Variants in PTN observed in about 807,000 individuals in gnomAD.
PTN encodes the protein heparin affin regulatory protein.
PTN carries 18 observed loss-of-function variants against 24.1 expected under a neutral mutation model. The observed-to-expected ratio is 0.75, with a 90% CI of 0.52 to 1.11. PTN has a LOEUF of 1.11. Among genes scored for constraint, PTN ranks in the 50% least tolerant of loss-of-function variants. The pLI, the probability that PTN is intolerant of heterozygous loss-of-function variation, is 0.00. For missense variants in PTN, 163 were observed against 198.8 expected, an observed-to-expected ratio of 0.82 and a Z score of 1.08; for synonymous variants, 78 against 68.6, an observed-to-expected ratio of 1.14 and a Z score of -0.67.
chr7:137,307,729 T>C lies in PTN; in HGVS notation c.-2+35710A>G, dbSNP rs190858267. On this transcript the variant is annotated intron_variant, in intron 1 of 4. Transcript: ENST00000348225. ...ATGGCTTATGATTCTGAGATTCAAG[T>C]TGATAGTGTGCTTTAACAAACACAA... Among the ~76,000 whole-genome samples the C allele has an allele frequency of 1.7e-3, 263 of 152,248 alleles. 1 individual carries two copies. Among genetic ancestry groups the C allele is most frequent in the African/African-American group, 6.2e-3 (256 of 41,556 alleles).
chr7:137,257,668 T>A (rs1168593100), intron 1 of PTN, among the ~76,000 whole-genome samples: 1 of 152,228 alleles, frequency 6.6e-6, no homozygotes, highest in East Asian at 1.9e-4. Context: ...ATTATTTTTT[T>A]GATTCAGAAC....
chr7:137,304,417 A>G (rs1306340889), intron 1 of PTN, among the ~76,000 whole-genome samples: 1 of 151,952 alleles, frequency 6.6e-6, no homozygotes, highest in Non-Finnish European at 1.5e-5. Context: ...GGCAAAGTCT[A>G]TAGCTATTCA....
chr7:137,268,021 G>A (rs527840934), intron 1 of PTN, among the ~76,000 whole-genome samples: 7 of 152,158 alleles, frequency 4.6e-5, no homozygotes, highest in African/African-American at 1.4e-4. Context: ...GCACAAAGTG[G>A]GTGATCAGGC....
At chr7:137,319,226 T>C (rs1810123444) in intron 1 of PTN, among the ~76,000 whole-genome samples, 1 of 152,212 alleles carries the variant, frequency 6.6e-6, no homozygotes, top group Admixed American at 6.5e-5. Context: ...GAATTCCTCA[T>C]CTGTAAAATG....
intron 1 of PTN, among the ~76,000 whole-genome samples, chr7:137,261,842 T>C (rs983379477): frequency 6.6e-6 from 1 of 152,194 alleles, no homozygotes; most frequent in African/African-American, 2.4e-5. Flanking sequence ...TTGGTCTCTC[T>C]CTGTGTACCT....
At chr7:137,285,059 A>G (rs1809532165) in intron 1 of PTN, among the ~76,000 whole-genome samples, 1 of 152,236 alleles carries the variant, frequency 6.6e-6, no homozygotes, top group Non-Finnish European at 1.5e-5. Context: ...AGTTTAATAT[A>G]TATATATAAA....
intron 1 of PTN, among the ~76,000 whole-genome samples, chr7:137,270,312 C>T (rs1434963364): frequency 6.6e-6 from 1 of 152,152 alleles, no homozygotes; most frequent in Non-Finnish European, 1.5e-5. Context: ...CTGAAGTTCC[C>T]TATAAAGTGA....
chr7:137,262,059 A>G (rs1489690687), intron 1 of PTN, among the ~76,000 whole-genome samples: 1 of 152,220 alleles, frequency 6.6e-6, no homozygotes, highest in East Asian at 1.9e-4. Context: ...AAGAGTTTCT[A>G]TGACTATTCA....
intron 4 of PTN, among the ~76,000 whole-genome samples, chr7:137,250,615 A>T (rs1048764208): frequency 3.3e-5 from 5 of 152,192 alleles, no homozygotes; most frequent in Non-Finnish European, 7.4e-5. Flanking sequence ...GTATGAATTC[A>T]TGGCCATAAT....
intron 1 of PTN, among the ~76,000 whole-genome samples, chr7:137,313,270 A>G (rs902127876): frequency 2.2e-4 from 34 of 152,106 alleles, no homozygotes; most frequent in Non-Finnish European, 1.5e-5. Flanking sequence ...GCAGAAAACA[A>G]AATTAAACAA....
chr7:137,277,924 T>C (rs911021134), intron 1 of PTN, among the ~76,000 whole-genome samples: 1 of 151,486 alleles, frequency 6.6e-6, no homozygotes, highest in African/African-American at 2.4e-5. Context: ...GATAGATAGA[T>C]AGATAGATAG....
chr7:137,302,946 T>G (rs1239277251), intron 1 of PTN, among the ~76,000 whole-genome samples: 1 of 150,304 alleles, frequency 6.7e-6, no homozygotes, highest in Non-Finnish European at 1.5e-5. Flanking sequence ...TTGTATGGTC[T>G]CAAAAAGAAA....
intron 1 of PTN, among the ~76,000 whole-genome samples, chr7:137,322,926 T>C (rs866240509): frequency 1.4e-4 from 21 of 152,360 alleles, no homozygotes; most frequent in South Asian, 4.1e-4. Flanking sequence ...TCCTTATTTA[T>C]AGCTATTAAT....
chr7:137,320,060 G>A (rs764055296), intron 1 of PTN, among the ~76,000 whole-genome samples: 2 of 152,112 alleles, frequency 1.3e-5, no homozygotes, highest in African/African-American at 2.4e-5. Context: ...TCCCTTGCAC[G>A]ATATGTATCT....
At chr7:137,303,423 G>A (rs1809836861) in intron 1 of PTN, among the ~76,000 whole-genome samples, 1 of 151,892 alleles carries the variant, frequency 6.6e-6, no homozygotes, top group South Asian at 2.1e-4. Flanking sequence ...CTAATCACAT[G>A]AGACTTATCT....
intron 1 of PTN, among the ~76,000 whole-genome samples, chr7:137,301,195 G>C (rs1469851676): frequency 6.6e-6 from 1 of 151,958 alleles, no homozygotes; most frequent in Non-Finnish European, 1.5e-5. Flanking sequence ...GCAATGTGGG[G>C]AATAGAGTTG....
intron 1 of PTN, among the ~76,000 whole-genome samples, chr7:137,337,495 AC>A (rs890455024): frequency 2.6e-5 from 4 of 152,322 alleles, no homozygotes; most frequent in Non-Finnish European, 5.9e-5. Context: ...ATTTTTAAAA[AC>A]AGGCCTTATA....
At chr7:137,336,511 G>A (rs1471671470) in intron 1 of PTN, among the ~76,000 whole-genome samples, 1 of 152,178 alleles carries the variant, frequency 6.6e-6, no homozygotes, top group African/African-American at 2.4e-5. Flanking sequence ...CAAAGAGTCT[G>A]CATCGGAGAC....
chr7:137,296,364 A>G (rs925519839), intron 1 of PTN, among the ~76,000 whole-genome samples: 3 of 152,096 alleles, frequency 2.0e-5, no homozygotes, highest in African/African-American at 7.2e-5. Context: ...AGAAAAATTC[A>G]AGTAGACATA....
Sources: allele counts gnomAD v4.1 joint callset (sites outside exome capture counted in the v4.1 genomes callset), GRCh38; gene constraint gnomAD v4.1.1; transcripts MANE v1.5; gene names NCBI Gene and HGNC (gene_info 2026-07-23, HGNC 2026-07-21).